Variants in MAFK observed in about 807,000 individuals in gnomAD.
MAFK encodes transcription factor MafK.
Under a neutral mutation model 9.2 loss-of-function variants are expected in MAFK, and 1 was observed. That is an observed-to-expected ratio of 0.11 (90% CI 0.04 to 0.52). The LOEUF is 0.52. MAFK is among the 20% of genes least tolerant of loss of function. The pLI is 0.94. For synonymous variants in MAFK, 110 were observed against 107.4 expected (o/e 1.02, Z -0.15); for missense variants, 207 against 236.0 (o/e 0.88, Z 0.81).
intron 1 of MAFK, among the ~76,000 whole-genome samples, chr7:1,535,031 G>A (rs1393524693): frequency 1.3e-5 from 2 of 151,450 alleles, no homozygotes; most frequent in East Asian, 3.9e-4. Context: ...TCAGCCTCCC[G>A]AGTAGCCGGG....
rs1323411478 is a variant in MAFK at position 1,540,028 on chromosome 7, C to T, written c.124C>T (p.Arg42Trp). 9 of 1,559,102 alleles carry T rather than the reference C, an allele frequency of 5.8e-6. No homozygotes were observed. The highest frequency in any genetic ancestry group is 5.4e-5 in the African/African-American group (4 of 73,492). Residue 42 changes from arginine to tryptophan, a missense_variant, in exon 3 of 3, where the codon CGG becomes TGG. Coordinates refer to ENST00000343242, the MANE Select transcript of MAFK (RefSeq NM_002360.4). ...MSVRELNQHL[R>W]GLTKEEVTRL... ...GGTGCGGGAGCTGAACCAGCACCTG[C>T]GGGGTCTCACCAAGGAGGAGGTGAC...
At position 1,534,763 on chromosome 7, in the gene MAFK, C is replaced by T. The variant is rs945296654; in HGVS notation, c.-45+3865C>T. 11 of 403,022 alleles carry T rather than the reference C, an allele frequency of 2.7e-5. No homozygotes were observed. The highest frequency in any genetic ancestry group is 4.1e-5 in the African/African-American group (2 of 48,888). 25.0% of individuals were successfully genotyped at this position (403,022 alleles called of 1,614,324 possible). Reference sequence around the variant, plus strand: ...CCCCATGCTGGCCTCGTAGAGCGAGCGGCAGCCCCGATGCGTCCTCTCATC... The same window carrying T: ...CCCCATGCTGGCCTCGTAGAGCGAGTGGCAGCCCCGATGCGTCCTCTCATC... On this transcript the variant is annotated intron_variant, in intron 1 of 2. Transcript: ENST00000343242. The surrounding 1 kb of genome is among the most constrained non-coding windows in gnomAD (Gnocchi z 4.3).
chr7:1,538,991 C>T (rs1346801503), intron 1 of MAFK, among the ~76,000 whole-genome samples, 158 bp from the exon 2 acceptor site: 1 of 152,162 alleles, frequency 6.6e-6, no homozygotes, highest in East Asian at 1.9e-4. Flanking sequence ...GGAAGCCCCT[C>T]AGGACGGGCT....
At chr7:1,539,536 GGCCAGC>G (rs1784124204) in intron 2 of MAFK, among the ~76,000 whole-genome samples, 2 of 11,718 alleles carry the variant, frequency 1.7e-4, no homozygotes, top group East Asian at 3.6e-3. Context: ...TGGGCAGCGT[GGCCAGC>G]GTGGCCTCTG....
intron 2 of MAFK, among the ~76,000 whole-genome samples, chr7:1,539,483 C>T (rs915903269): frequency 2.0e-5 from 3 of 152,022 alleles, no homozygotes; most frequent in Non-Finnish European, 4.4e-5. Flanking sequence ...GGCTGTGTGT[C>T]CGCCGGGCGC....
In MAFK at chr7:1,539,202, A is replaced by G. The variant is rs1468681541; in HGVS notation, c.10A>G (p.Asn4Asp). 6.2e-7 allele frequency: 1 copy of G among 1,612,214 alleles called. No individual in the cohort carries two copies. Among genetic ancestry groups the G allele is most frequent in the Non-Finnish European group, 8.5e-7 (1 of 1,179,358 alleles). Residue 4 changes from asparagine to aspartate, a missense_variant, in exon 2 of 3, where the codon AAT becomes GAT. Transcript: ENST00000343242. MTT[N>D]PKPNKALKVK... Reference sequence around the variant, plus strand: ...TGACCGTGCCCGGGTTATGACGACTAATCCCAAACCGAATAAGGCATTAAA... The same window carrying G: ...TGACCGTGCCCGGGTTATGACGACTGATCCCAAACCGAATAAGGCATTAAA...
At chr7:1,537,587 C>A in intron 1 of MAFK, 1 of 985,542 alleles carries the variant, frequency 1.0e-6, no homozygotes, top group Non-Finnish European at 1.2e-6. Flanking sequence ...CCCACCTGGC[C>A]GTCCCCGGGA....
intron 1 of MAFK, among the ~76,000 whole-genome samples, chr7:1,533,158 A>G (rs771964172): frequency 6.6e-6 from 1 of 152,186 alleles, no homozygotes; most frequent in African/African-American, 2.4e-5. Context: ...AGCCCAGGCC[A>G]TGAGGTCTGC....
rs556535422 is a variant in MAFK at position 1,539,206 on chromosome 7, C to A, written c.14C>A (p.Pro5His). 2 of 1,612,226 alleles carry A rather than the reference C, an allele frequency of 1.2e-6. No individual in the cohort carries two copies. The highest frequency in any genetic ancestry group is 1.1e-5 in the South Asian group (1 of 90,906). MTTN[P>H]KPNKALKVKK... ...CGTGCCCGGGTTATGACGACTAATCCCAAACCGAATAAGGCATTAAAGGTA... is the reference window on the plus strand; with the variant it reads ...CGTGCCCGGGTTATGACGACTAATCACAAACCGAATAAGGCATTAAAGGTA... Residue 5 changes from proline to histidine, a missense_variant, in exon 2 of 3, where the codon CCC (proline) becomes CAC (histidine). Coordinates refer to ENST00000343242, the MANE Select transcript of MAFK (RefSeq NM_002360.4).
In MAFK at chr7:1,534,831, A is replaced by T; in HGVS notation, c.-45+3933A>T. On this transcript the variant is annotated intron_variant, in intron 1 of 2. Transcript: ENST00000343242. The surrounding 1 kb of genome is among the most constrained non-coding windows in gnomAD (Gnocchi z 4.3). ...CCAAAGCTGAAATCCCCGTTTCTCT[A>T]TGGGCATCCACAGCCGGGACCGTTC... 1 of 353,200 alleles carries T rather than the reference A, an allele frequency of 2.8e-6. No individual in the cohort carries two copies. The highest frequency in any genetic ancestry group is 2.1e-5 in the African/African-American group (1 of 46,940). 21.9% of individuals were successfully genotyped at this position (353,200 alleles called of 1,614,324 possible). A position where few individuals can be genotyped will look rare whatever the true frequency, so the allele number is the denominator to read the frequency against.
intron 1 of MAFK, among the ~76,000 whole-genome samples, chr7:1,531,872 G>C (rs1783915899): frequency 6.6e-6 from 1 of 152,232 alleles, no homozygotes; most frequent in Non-Finnish European, 1.5e-5. Flanking sequence ...GGCCTCCCGT[G>C]TCCCTCTCCT....
chr7:1,533,503 A>G lies in MAFK; in HGVS notation c.-45+2605A>G, dbSNP rs145766144. Among the ~76,000 whole-genome samples, 13 of 152,114 alleles carry G rather than the reference A, an allele frequency of 8.5e-5. No individual in the cohort carries two copies. In the East Asian group the frequency reaches 2.1e-3, roughly 25 times the overall value. ...GCAGGGAACCACGTGCTCTCTGCAG[A>G]TGGTGATCAGAAACCTGAAACGGCA... On this transcript the variant is annotated intron_variant, in intron 1 of 2. Transcript: ENST00000343242.
At chr7:1,539,883 G>A (rs1368836662) in intron 2 of MAFK, 58 bp from the exon 3 acceptor site, 16 of 1,404,572 alleles carry the variant, frequency 1.1e-5, no homozygotes, top group Admixed American at 7.5e-5. Flanking sequence ...CCCCAGTGTC[G>A]GTCCCAGGCA....
In MAFK at chr7:1,534,667, C is replaced by T. The variant is rs1783984993; in HGVS notation, c.-45+3769C>T. 1 of 455,918 alleles carries T rather than the reference C, an allele frequency of 2.2e-6. No homozygotes were observed. Among genetic ancestry groups the T allele is most frequent in the Non-Finnish European group, 4.4e-6 (1 of 226,726 alleles). 28.2% of individuals were successfully genotyped at this position (455,918 alleles called of 1,614,324 possible). A position where few individuals can be genotyped will look rare whatever the true frequency, so the allele number is the denominator to read the frequency against. ...CGTCTTGGTCAGACTGGCTGGGCAGCTGAGGGGGTGGGGCATGGAGTCTGT... is the reference window on the plus strand; with the variant it reads ...CGTCTTGGTCAGACTGGCTGGGCAGTTGAGGGGGTGGGGCATGGAGTCTGT... On this transcript the variant is annotated intron_variant, in intron 1 of 2. Transcript: ENST00000343242. This position sits in a 1 kb window ranked among gnomAD's most constrained non-coding sequence, Gnocchi z 4.3.
intron 1 of MAFK, chr7:1,537,480 G>C: frequency 4.1e-6 from 4 of 985,550 alleles, no homozygotes; most frequent in Non-Finnish European, 4.8e-6. Context: ...GCTCCCAGCC[G>C]CCGGCATTTG....
chr7:1,536,924 G>A (rs1583199734), intron 1 of MAFK, among the ~76,000 whole-genome samples: 1 of 152,306 alleles, frequency 6.6e-6, no homozygotes, highest in African/African-American at 2.4e-5. Flanking sequence ...CGAGCACAGC[G>A]TGGGGGCCGC....
At chr7:1,539,017 C>A in intron 1 of MAFK, 132 bp from the exon 2 acceptor site, 1 of 715,220 alleles carries the variant, frequency 1.4e-6, no homozygotes, top group Non-Finnish European at 2.4e-6. Flanking sequence ...CGGATGGTGC[C>A]CCGTCTTGTT....
At position 1,542,445 on chromosome 7, in the gene MAFK, A is replaced by C. The variant is rs1028991082; in HGVS notation, c.*2070A>C. ...AGCTGGGCCCCGCAGGACAGGCCGC[A>C]GCGGGTGGCCGGTTCTGTCCCGTCT... On this transcript the variant is annotated 3_prime_UTR_variant, in exon 3 of 3. Transcript: ENST00000343242. The C allele has an allele frequency of 1.3e-5, 2 of 152,120 alleles. No individual in the cohort carries two copies. Among genetic ancestry groups the C allele is most frequent in the Non-Finnish European group, 2.9e-5 (2 of 67,988 alleles). The allele number at this position is 152,120 out of a possible 1,614,324, so 9.4% of individuals were successfully genotyped here. A position where few individuals can be genotyped will look rare whatever the true frequency, so the allele number is the denominator to read the frequency against.
chr7:1,536,152 G>C (rs943975002), intron 1 of MAFK, among the ~76,000 whole-genome samples: 1 of 152,244 alleles, frequency 6.6e-6, no homozygotes. Flanking sequence ...CGTGAGCGCT[G>C]CACCCTTACT....
Sources: gnomAD v4.1 joint callset for allele counts (sites outside exome capture counted in the v4.1 genomes callset) on GRCh38, gnomAD v4.1.1 for gene constraint, Gnocchi (gnomAD v3.1) non-coding constraint, MANE v1.5 for transcripts, NCBI Gene and HGNC (gene_info 2026-07-23, HGNC 2026-07-21) for gene names.